SGK1: variants seen among roughly 807,000 people sequenced by gnomAD.
SGK1 encodes serum/glucocorticoid regulated kinase 1.
In SGK1, 26 loss-of-function variants were observed where a neutral mutation model predicts 64.2. That is an observed-to-expected ratio of 0.40 (90% confidence interval 0.30 to 0.56). SGK1 has a LOEUF of 0.56. Ranked by LOEUF, SGK1 falls within the 20% of genes least tolerant of loss-of-function variation. The pLI, the probability that SGK1 is intolerant of heterozygous loss-of-function variation, is 0.38. For missense variants in SGK1, 519 were observed against 645.6 expected (o/e 0.80, Z 2.12); for synonymous variants, 265 against 239.7 (o/e 1.11, Z -0.98).
chr6:134,261,718 T>G, intron 2 of SGK1: 1 of 615,642 alleles, frequency 1.6e-6, no homozygotes, highest in South Asian at 2.0e-5. Flanking sequence ...TTCTGCTCAA[T>G]GTTGCTGTGA....
At chr6:134,186,621 A>C (rs1314754448) in intron 3 of SGK1, among the ~76,000 whole-genome samples, 2 of 152,322 alleles carry the variant, frequency 1.3e-5, no homozygotes, top group East Asian at 3.9e-4. Flanking sequence ...CTTTACCTTC[A>C]ACAAGAACCT....
intron 12 of SGK1, 52 bp from the exon 13 acceptor site, chr6:134,170,967 A>G: frequency 1.2e-6 from 2 of 1,607,064 alleles, no homozygotes; most frequent in Non-Finnish European, 1.7e-6. Flanking sequence ...CAATAAGGGC[A>G]GGGAGGTCTA....
intron 2 of SGK1, among the ~76,000 whole-genome samples, chr6:134,211,877 GAA>G (rs573091377): frequency 0.22 from 17,846 of 81,226 alleles, 1,571 homozygotes; most frequent in African/African-American, 0.33. Flanking sequence ...CGTCTACAAG[GAA>G]AAAAAAAAAA....
intron 2 of SGK1, among the ~76,000 whole-genome samples, chr6:134,214,195 A>G (rs1775939587): frequency 6.6e-6 from 1 of 152,040 alleles, no homozygotes. Flanking sequence ...TGCTAAGATT[A>G]GGTGTTAGCC....
chr6:134,170,988 C>T (rs560627470), intron 12 of SGK1, 35 bp downstream of exon 12: 647 of 1,608,912 alleles, frequency 4.0e-4, no homozygotes, highest in African/African-American at 1.4e-3. Flanking sequence ...GTGCACGTCC[C>T]GGCCGGCCCA....
chr6:134,177,563 C>G (rs1775265085), intron 3 of SGK1: 1 of 848,900 alleles, frequency 1.2e-6, no homozygotes, highest in Non-Finnish European at 1.9e-6. Flanking sequence ...AACCTACAAC[C>G]AGAGACCCTC....
At chr6:134,171,472 C>A in intron 11 of SGK1, 165 bp downstream of exon 11, 1 of 619,866 alleles carries the variant, frequency 1.6e-6, no homozygotes, top group South Asian at 2.0e-5. Flanking sequence ...ACAAAAGAAC[C>A]AGGTAAGTGA....
At chr6:134,244,606 G>GC (rs1582738666) in intron 2 of SGK1, among the ~76,000 whole-genome samples, 1 of 152,110 alleles carries the variant, frequency 6.6e-6, no homozygotes, top group African/African-American at 2.4e-5. Context: ...GTAAGGCAAC[G>GC]CCCCCCACCT....
At chr6:134,172,136 A>G in intron 10 of SGK1, 57 bp downstream of exon 10, 1 of 1,596,202 alleles carries the variant, frequency 6.3e-7, no homozygotes, top group East Asian at 2.2e-5. Context: ...GCATGATTGT[A>G]CATCTCTCTC....
intron 1 of SGK1, among the ~76,000 whole-genome samples, chr6:134,301,531 TTCTTCTCTTC>T (rs56681881): frequency 0.076 from 10,496 of 138,998 alleles, 458 homozygotes; most frequent in Admixed American, 0.1. Flanking sequence ...CTTTTCTCTT[TTCTTCTCTTC>T]TCTTCTCTTC....
rs777314452 is a variant in SGK1, at chr6:134,207,345, T to C, written c.361+11A>G. On this transcript the variant is annotated intron_variant, in intron 3 of 13. Coordinates refer to ENST00000367858, the MANE Select transcript of SGK1 (RefSeq NM_001143676.3). ...CATAACAGGAAACAGGTTGTATTTT[T>C]CCAATAATACCTGGATCATCATTAG... is the stretch of plus-strand genomic sequence containing the variant. 4 of 1,580,966 alleles carry C rather than the reference T, an allele frequency of 2.5e-6. No individual in the cohort carries two copies. Among genetic ancestry groups the C allele is most frequent in the Non-Finnish European group, 3.5e-6 (4 of 1,151,074 alleles).
chr6:134,276,939 A>G (rs1421065896), intron 1 of SGK1, among the ~76,000 whole-genome samples: 1 of 152,130 alleles, frequency 6.6e-6, no homozygotes, highest in Non-Finnish European at 1.5e-5. Flanking sequence ...AATCCCAGCT[A>G]CTCAGGATGC....
At chr6:134,231,530 G>A (rs1776278166) in intron 2 of SGK1, among the ~76,000 whole-genome samples, 1 of 152,128 alleles carries the variant, frequency 6.6e-6, no homozygotes, top group Admixed American at 6.5e-5. Flanking sequence ...TTTTCTGAAA[G>A]CTATCACAAA....
At chr6:134,274,787 G>GTCTTTTCTTTTCTTTTCTTTTCTTT (rs142632426) in intron 1 of SGK1, among the ~76,000 whole-genome samples, 6 of 149,994 alleles carry the variant, frequency 4.0e-5, no homozygotes, top group African/African-American at 1.5e-4. Context: ...TGCCCTTTTA[G>GTCTTTTCTTTTCTTTTCTTTTCTTT]TCTTTTCTTT....
intron 1 of SGK1, among the ~76,000 whole-genome samples, chr6:134,280,944 C>A (rs925140604): frequency 3.9e-5 from 6 of 152,080 alleles, no homozygotes; most frequent in African/African-American, 1.4e-4. Context: ...TGGTGTGCAC[C>A]AGTAACCCCA....
At chr6:134,239,816 G>A (rs1776415947) in intron 2 of SGK1, among the ~76,000 whole-genome samples, 1 of 152,202 alleles carries the variant, frequency 6.6e-6, no homozygotes, top group African/African-American at 2.4e-5. Flanking sequence ...TGCACAGCAT[G>A]TTGGGTCTGC....
intron 1 of SGK1, among the ~76,000 whole-genome samples, chr6:134,301,531 T>TTCTTC (rs56681881): frequency 0.086 from 11,899 of 138,812 alleles, 537 homozygotes; most frequent in East Asian, 0.16. Context: ...CTTTTCTCTT[T>TTCTTC]TCTTCTCTTC....
rs1775567060 is a variant in SGK1, at chr6:134,194,523, T to TC, written c.361+12832_361+12833insG. Among the ~76,000 whole-genome samples the TC allele has an allele frequency of 2.7e-5, 4 of 150,568 alleles. No individual in the cohort carries two copies. The South Asian group carries it at 8.4e-4, about 31-fold the overall frequency. On this transcript the variant is annotated intron_variant, in intron 3 of 13. Coordinates refer to ENST00000367858, the MANE Select transcript of SGK1 (RefSeq NM_001143676.3). The stretch of plus-strand genomic sequence containing the variant: ...ATTCAATTTGTCAAAAGTTTTTCTT[T>TC]TTTTTTTTTTTTTGAGACGGAGTCT...
intron 1 of SGK1, among the ~76,000 whole-genome samples, chr6:134,292,632 T>C (rs528116999): frequency 6.6e-6 from 1 of 152,204 alleles, no homozygotes; most frequent in African/African-American, 2.4e-5. Flanking sequence ...TTATATGTTC[T>C]AGGAGAAGGA....
Sources: gnomAD v4.1 joint callset for allele counts (sites outside exome capture counted in the v4.1 genomes callset) on GRCh38, gnomAD v4.1.1 for gene constraint, MANE v1.5 for transcripts, NCBI Gene and HGNC (gene_info 2026-07-23, HGNC 2026-07-21) for gene names.